Variants in HMBOX1 observed in about 807,000 individuals in gnomAD.
HMBOX1 encodes homeobox-containing protein 1.
HMBOX1 carries 14 observed loss-of-function variants against 54.5 expected under a neutral mutation model. That is an observed-to-expected ratio of 0.26 (90% CI 0.17 to 0.40). The LOEUF (loss-of-function observed/expected upper bound fraction) is 0.40, where lower values mean the gene tolerates loss of function less well. HMBOX1 is among the 10% of genes least tolerant of loss of function. The pLI, the probability that HMBOX1 is intolerant of heterozygous loss-of-function variation, is 1.00. For synonymous variants in HMBOX1, 160 were observed against 181.0 expected (o/e 0.88, Z 0.93); for missense variants, 332 against 514.4 (o/e 0.65, Z 3.43).
intron 2 of HMBOX1, among the ~76,000 whole-genome samples, chr8:28,967,847 T>C (rs1344197266): frequency 6.6e-6 from 1 of 152,202 alleles, no homozygotes; most frequent in South Asian, 2.1e-4. Flanking sequence ...TTGGAAGAAA[T>C]CAGACCCTAA....
chr8:29,012,168 G>T (rs1421546589), intron 5 of HMBOX1, among the ~76,000 whole-genome samples: 3 of 152,152 alleles, frequency 2.0e-5, no homozygotes, highest in African/African-American at 7.2e-5. Context: ...TATTATAAAG[G>T]CAAATATCAC....
At chr8:28,920,036 A>C (rs574788474) in intron 1 of HMBOX1, among the ~76,000 whole-genome samples, 177 of 152,206 alleles carry the variant, frequency 1.2e-3, no homozygotes, top group Middle Eastern at 3.4e-3. Context: ...TGTATTGCAC[A>C]CAGGGCTGGC....
Position 28,946,296 on chromosome 8 carries a change from G to A in HMBOX1, c.-57-17515G>A, listed in dbSNP as rs185477121. Among the ~76,000 whole-genome samples the A allele has an allele frequency of 1.9e-3, 284 of 152,036 alleles. 1 individual carries two copies. The highest frequency in any genetic ancestry group is 3.1e-3 in the East Asian group (16 of 5,106). On this transcript the variant is annotated intron_variant, in intron 1 of 9. Coordinates refer to ENST00000287701, the MANE Select transcript of HMBOX1 (RefSeq NM_001135726.3). Reference sequence around the variant, plus strand: ...TACAATTGTGTTGCCCAGGCGTGGTGGGTGGCTCATGCCTGAAATCCTAGC... The same window carrying A: ...TACAATTGTGTTGCCCAGGCGTGGTAGGTGGCTCATGCCTGAAATCCTAGC...
At chr8:28,998,534 G>A (rs1353267825) in intron 4 of HMBOX1, among the ~76,000 whole-genome samples, 2 of 151,924 alleles carry the variant, frequency 1.3e-5, no homozygotes, top group African/African-American at 4.8e-5. Context: ...ACCTAATTAT[G>A]TCTTTGAATC....
chr8:28,962,580 A>G (rs531503024), intron 1 of HMBOX1, among the ~76,000 whole-genome samples: 25 of 152,298 alleles, frequency 1.6e-4, no homozygotes, highest in Admixed American at 1.1e-3. Flanking sequence ...CCAGCAACAC[A>G]AGCCTACTAA....
At chr8:29,011,384 AT>A (rs1443948377) in intron 5 of HMBOX1, among the ~76,000 whole-genome samples, 1 of 152,220 alleles carries the variant, frequency 6.6e-6, no homozygotes, top group Admixed American at 6.5e-5. Context: ...TTTGTGAATA[AT>A]CTTTAGGGTG....
rs28638348 is a variant in HMBOX1, at chr8:28,908,720, T to C, written c.-58+18042T>C. 2.3e-3 allele frequency among the ~76,000 whole-genome samples: 346 copies of C among 152,212 alleles called. 2 individuals carry two copies. The highest frequency in any genetic ancestry group is 7.9e-3 in the African/African-American group (330 of 41,542). On this transcript the variant is annotated intron_variant, in intron 1 of 9. Transcript: ENST00000287701. ...CAGTGAGCCTACAGTGAGCCGAGAT[T>C]GTGCCATTGGACTCCAGCCTGGGCG...
chr8:28,982,899 C>T (rs968652354), intron 4 of HMBOX1, among the ~76,000 whole-genome samples: 2 of 152,158 alleles, frequency 1.3e-5, no homozygotes, highest in South Asian at 2.1e-4. Context: ...GCTGCGATTA[C>T]AGGCATGAGC....
intron 1 of HMBOX1, among the ~76,000 whole-genome samples, chr8:28,900,265 A>T (rs1225524408): frequency 7.5e-5 from 3 of 39,816 alleles, no homozygotes; most frequent in African/African-American, 1.1e-4. Flanking sequence ...AAAAAAAAAA[A>T]AAAAAAATAT....
chr8:28,916,692 A>G (rs1816624103), intron 1 of HMBOX1, among the ~76,000 whole-genome samples: 1 of 152,102 alleles, frequency 6.6e-6, no homozygotes, highest in African/African-American at 2.4e-5. Flanking sequence ...CTTTTCTACG[A>G]ACACACTATC....
chr8:29,048,883 AATTC>A (rs1806008695), intron 8 of HMBOX1, 67 bp from the exon 9 acceptor site: 1 of 987,224 alleles, frequency 1.0e-6, no homozygotes, highest in Non-Finnish European at 1.5e-6. Flanking sequence ...TTAGCACAAA[AATTC>A]ATTCAGTGTT....
chr8:29,016,454 C>T (rs1243440269), intron 5 of HMBOX1, among the ~76,000 whole-genome samples: 1 of 152,162 alleles, frequency 6.6e-6, no homozygotes, highest in African/African-American at 2.4e-5. Flanking sequence ...GGGAAATAAA[C>T]AACTGAGGAT....
At position 29,052,490 on chromosome 8, in the gene HMBOX1, A is replaced by T. The variant is rs1806532087; in HGVS notation, c.*1335A>T. On this transcript the variant is annotated 3_prime_UTR_variant, in exon 10 of 10. Coordinates refer to ENST00000287701, the MANE Select transcript of HMBOX1 (RefSeq NM_001135726.3). ...ATGGAATTTTTTTCCTTGATCACAT[A>T]TGTAGCACTTTTGTTACTTTTTAAA... 6.6e-6 allele frequency: 1 copy of T among 152,240 alleles called. No homozygotes were observed. The highest frequency in any genetic ancestry group is 2.1e-4 in the South Asian group (1 of 4,834). 9.4% of individuals were successfully genotyped at this position (152,240 alleles called of 1,614,324 possible). A position where few individuals can be genotyped will look rare whatever the true frequency, so the allele number is the denominator to read the frequency against.
chr8:28,911,091 C>A (rs1037029101), intron 1 of HMBOX1, among the ~76,000 whole-genome samples: 7 of 152,314 alleles, frequency 4.6e-5, no homozygotes, highest in Non-Finnish European at 8.8e-5. Flanking sequence ...AGAACATCAT[C>A]TTTTACTGTA....
chr8:28,895,351 A>G (rs1811898329), intron 1 of HMBOX1, among the ~76,000 whole-genome samples: 3 of 152,170 alleles, frequency 2.0e-5, no homozygotes, highest in African/African-American at 7.2e-5. Context: ...AACAGGGATG[A>G]CTTAAGACTG....
chr8:28,942,385 T>C (rs1261579463), intron 1 of HMBOX1, among the ~76,000 whole-genome samples: 1 of 152,230 alleles, frequency 6.6e-6, no homozygotes, highest in Non-Finnish European at 1.5e-5. Context: ...CTCAGCCAAC[T>C]TGTTACATTT....
chr8:28,902,394 A>G (rs1462153990), intron 1 of HMBOX1, among the ~76,000 whole-genome samples: 1 of 152,142 alleles, frequency 6.6e-6, no homozygotes, highest in Non-Finnish European at 1.5e-5. Context: ...GCCAACAATG[A>G]GTTAGATGTA....
At chr8:29,008,921 A>C in intron 4 of HMBOX1, 151 bp from the exon 5 acceptor site, 1 of 565,654 alleles carries the variant, frequency 1.8e-6, no homozygotes, top group Non-Finnish European at 3.2e-6. Flanking sequence ...CAGTCTTTAC[A>C]AAGGAATCCA....
chr8:28,928,596 A>G (rs1240317777), intron 1 of HMBOX1, among the ~76,000 whole-genome samples: 1 of 152,268 alleles, frequency 6.6e-6, no homozygotes, highest in East Asian at 1.9e-4. Flanking sequence ...TAGCCAAGAT[A>G]TGGAAACAAC....
Sources: allele counts gnomAD v4.1 joint callset (sites outside exome capture counted in the v4.1 genomes callset), GRCh38; gene constraint gnomAD v4.1.1; transcripts MANE v1.5; gene names NCBI Gene and HGNC (gene_info 2026-07-23, HGNC 2026-07-21).